The following GTF3C1 variants were observed in gnomAD, a reference collection of about 807,000 sequenced individuals.
GTF3C1 encodes the protein general transcription factor IIIC subunit 1.
Under a neutral mutation model 226.7 loss-of-function variants are expected in GTF3C1, and 57 were observed. That is an observed-to-expected ratio of 0.25 (90% CI 0.20 to 0.31). The LOEUF (loss-of-function observed/expected upper bound fraction) is 0.31. GTF3C1 is among the 10% of genes least tolerant of loss of function. GTF3C1 has a pLI of 1.00. For synonymous variants in GTF3C1, 1,090 were observed against 1,084.8 expected, an observed-to-expected ratio of 1.00 and a Z score of -0.09; for missense variants, 2,217 against 2,776.1, an observed-to-expected ratio of 0.80 and a Z score of 4.53.
intron 3 of GTF3C1, 80 bp from the exon 4 acceptor site, chr16:27,538,007 A>G (rs2089026354): frequency 1.4e-5 from 20 of 1,472,796 alleles, no homozygotes; most frequent in Non-Finnish European, 1.8e-5. Flanking sequence ...GGACATAAAC[A>G]CCAGAGACAC....
intron 5 of GTF3C1, among the ~76,000 whole-genome samples, chr16:27,532,846 A>G (rs552706095): frequency 2.0e-5 from 3 of 152,336 alleles, no homozygotes; most frequent in African/African-American, 7.2e-5. Context: ...CTTATTCTAA[A>G]AAAACAGCTG....
At chr16:27,538,698 T>A (rs1193041342) in intron 2 of GTF3C1, among the ~76,000 whole-genome samples, 3 of 152,282 alleles carry the variant, frequency 2.0e-5, no homozygotes, top group Admixed American at 2.0e-4. Context: ...GCCTTGCTTA[T>A]CTCATCCTCC....
intron 29 of GTF3C1, among the ~76,000 whole-genome samples, chr16:27,475,492 G>T (rs1478511495): frequency 6.6e-6 from 1 of 152,074 alleles, no homozygotes. Flanking sequence ...TGATGACTTG[G>T]GGGAGAACGA....
intron 7 of GTF3C1, among the ~76,000 whole-genome samples, chr16:27,509,280 T>C (rs1040043741): frequency 2.0e-5 from 3 of 152,104 alleles, no homozygotes; most frequent in African/African-American, 7.2e-5. Flanking sequence ...CACAAGCTGG[T>C]GTATGTCAGG....
At position 27,545,867 on chromosome 16, in the gene GTF3C1, A is replaced by T. The variant is rs144536368; in HGVS notation, c.222-344T>A. ...TTCAAGGCTTTCCTCCGCTTTTTTG[A>T]GATGGAGTTTTGCTCTTGTTGCCCA... On this transcript the variant is annotated intron_variant, in intron 1 of 36. Transcript: ENST00000356183. 2.4e-4 allele frequency among the ~76,000 whole-genome samples: 36 copies of T among 152,126 alleles called. No individual in the cohort carries two copies. In the East Asian group the frequency reaches 5.8e-3, roughly 25 times the overall value.
chr16:27,548,300 C>G (rs942993949), intron 1 of GTF3C1, among the ~76,000 whole-genome samples: 2 of 152,182 alleles, frequency 1.3e-5, no homozygotes, highest in African/African-American at 2.4e-5. Flanking sequence ...CAGAGTCTCA[C>G]TCTGTCACCC....
chr16:27,499,182 G>A lies in GTF3C1; in HGVS notation c.2062-449C>T, dbSNP rs185706251. On this transcript the variant is annotated intron_variant, in intron 12 of 36. Coordinates refer to ENST00000356183, the MANE Select transcript of GTF3C1 (RefSeq NM_001520.4). ...TTAATCTACCCTTGCTGAGAGTGGC[G>A]TCATGGGACTCCTGCCAGGCACACG... 5.3e-5 allele frequency among the ~76,000 whole-genome samples: 8 copies of A among 152,368 alleles called. No individual in the cohort carries two copies. In the East Asian group the frequency reaches 9.6e-4, roughly 18 times the overall value.
intron 1 of GTF3C1, among the ~76,000 whole-genome samples, chr16:27,547,490 G>C (rs892720822): frequency 5.3e-5 from 8 of 151,794 alleles, no homozygotes; most frequent in African/African-American, 1.7e-4. Flanking sequence ...TGAGAATCAG[G>C]GTTCGCTCAG....
chr16:27,482,965 T>C, intron 26 of GTF3C1, 79 bp downstream of exon 26: 1 of 1,202,470 alleles, frequency 8.3e-7, no homozygotes, highest in Non-Finnish European at 1.2e-6. Context: ...AGGGGCACTG[T>C]GGGATGAGAG....
At chr16:27,530,975 T>C (rs1257431627) in intron 5 of GTF3C1, among the ~76,000 whole-genome samples, 1 of 152,266 alleles carries the variant, frequency 6.6e-6, no homozygotes, top group East Asian at 1.9e-4. Context: ...AAAATGTTTC[T>C]CAAACAATTC....
chr16:27,540,958 A>G lies in GTF3C1; in HGVS notation c.432-2602T>C, dbSNP rs902084623. On this transcript the variant is annotated intron_variant, in intron 2 of 36. Transcript: ENST00000356183. Reference sequence around the variant, plus strand: ...GGAGCTCAAGTGATTCTCCTGCCTCAGCCTCCCAAGTAGCTGGGATTACAG... The same window carrying G: ...GGAGCTCAAGTGATTCTCCTGCCTCGGCCTCCCAAGTAGCTGGGATTACAG... Among the ~76,000 whole-genome samples, 3 of 152,146 alleles carry G rather than the reference A, an allele frequency of 2.0e-5. No individual in the cohort carries two copies. In the South Asian group the frequency reaches 6.2e-4, roughly 32 times the overall value.
intron 11 of GTF3C1, among the ~76,000 whole-genome samples, 167 bp from the exon 12 acceptor site, chr16:27,501,511 T>C (rs1457368983): frequency 6.6e-6 from 1 of 152,190 alleles, no homozygotes; most frequent in African/African-American, 2.4e-5. Context: ...TAATGATTGT[T>C]TCCCTCTGTG....
chr16:27,505,077 G>A (rs576378491), intron 10 of GTF3C1, among the ~76,000 whole-genome samples: 11 of 152,254 alleles, frequency 7.2e-5, no homozygotes, highest in African/African-American at 2.6e-4. Flanking sequence ...GGCAGTGTCT[G>A]GGGTACTGTT....
At chr16:27,512,285 G>A (rs2088585332) in intron 6 of GTF3C1, among the ~76,000 whole-genome samples, 1 of 152,108 alleles carries the variant, frequency 6.6e-6, no homozygotes, top group Non-Finnish European at 1.5e-5. Context: ...ACACTCAGGA[G>A]GCACGCGAGC....
chr16:27,478,572 GCTC>G (rs1435413216), intron 27 of GTF3C1, 41 bp from the exon 28 acceptor site: 1 of 1,371,572 alleles, frequency 7.3e-7, no homozygotes, highest in South Asian at 1.2e-5. Flanking sequence ...AAACAAAACA[GCTC>G]CTCACTAAGC....
At chr16:27,499,700 G>A (rs1455185108) in intron 12 of GTF3C1, among the ~76,000 whole-genome samples, 3 of 152,168 alleles carry the variant, frequency 2.0e-5, no homozygotes, top group Non-Finnish European at 2.9e-5. Context: ...CAAATGAGAC[G>A]CAGTAAGGCA....
chr16:27,487,665 C>T lies in GTF3C1; in HGVS notation c.3700+562G>A, dbSNP rs182670679. ...AAAATTAACCGGGTGTGGTGGCGCA[C>T]GCCTGTAATCCCAGCTACTTGAGAG... On this transcript the variant is annotated intron_variant, in intron 23 of 36. Transcript: ENST00000356183. Among the ~76,000 whole-genome samples, 621 of 152,238 alleles carry T rather than the reference C, an allele frequency of 4.1e-3. 3 individuals are homozygous for T. Among genetic ancestry groups the T allele is most frequent in the Middle Eastern group, 0.017 (5 of 294 alleles).
chr16:27,538,309 C>A lies in GTF3C1; in HGVS notation c.479G>T (p.Arg160Met). The A allele has an allele frequency of 6.2e-7, 1 of 1,600,148 alleles. No homozygotes were observed. Among genetic ancestry groups the A allele is most frequent in the Non-Finnish European group, 8.5e-7 (1 of 1,170,456 alleles). The change falls in exon 3 of 37, where the codon AGG becomes ATG. Residue 160 changes from arginine to methionine, a missense_variant. Physicochemically the swap from Arg to Met is moderately conservative, Grantham distance 91. Around this residue, in one of 12 missense-constraint regions of GTF3C1, gnomAD observed 192 missense variants for 251.8 expected, o/e 0.76. Coordinates refer to ENST00000356183, the MANE Select transcript of GTF3C1 (RefSeq NM_001520.4). ...IIVASQAMRY[R>M]ALIGQEGDPD... ...ATCCCCCTCCTGGCCTATCAAGGCC[C>A]TGTACCGCATGGCCTGGGAGGCAAC...
chr16:27,464,828 C>T lies in GTF3C1; in HGVS notation c.5364G>A (p.Leu1788=). 4 of 1,510,702 alleles carry T rather than the reference C, an allele frequency of 2.6e-6. No homozygotes were observed. The highest frequency in any genetic ancestry group is 2.6e-5 in the South Asian group (2 of 76,462). The allele number at this position is 1,510,702 out of a possible 1,614,324, so 93.6% of individuals were successfully genotyped here. The part of the protein sequence containing the change: ...RTFADCIQAL[L]EQHQVLEVGG... ...CGACCTCCAGCACCTGATGCTGCTC[C>T]AGGAGGGCCTGGGGAGGCAGGAGAC... Residue 1788 remains leucine, a synonymous_variant, in exon 34 of 37, where the codon CTG becomes CTA. Coordinates refer to ENST00000356183, the MANE Select transcript of GTF3C1 (RefSeq NM_001520.4).
Sources: allele counts gnomAD v4.1 joint callset (sites outside exome capture counted in the v4.1 genomes callset), GRCh38; gene constraint gnomAD v4.1.1; regional missense constraint gnomAD v4.1.1; transcripts MANE v1.5; gene names NCBI Gene and HGNC (gene_info 2026-07-23, HGNC 2026-07-21).